Variants in PHLDB1 observed in about 807,000 individuals in gnomAD.
PHLDB1 encodes pleckstrin homology like domain family B member 1, also known as pleckstrin homology-like domain family B member 1.
Under a neutral mutation model 139.3 loss-of-function variants are expected in PHLDB1, and 65 were observed. The ratio of observed to expected loss-of-function variants is 0.47; its 90% CI spans 0.38 to 0.57. The LOEUF is 0.57. Among genes scored for constraint, PHLDB1 ranks in the 20% least tolerant of loss-of-function variants. PHLDB1 has a pLI of 0.00. For missense variants in PHLDB1, 1,624 were observed against 1,839.7 expected, an observed-to-expected ratio of 0.88 and a Z score of 2.14; for synonymous variants, 679 against 734.5, an observed-to-expected ratio of 0.92 and a Z score of 1.22.
intron 17 of PHLDB1, chr11:118,647,652 T>A (rs911898345): frequency 3.7e-6 from 1 of 273,764 alleles, no homozygotes; most frequent in Non-Finnish European, 6.9e-6. Context: ...AGGCGAAGGT[T>A]GCAGTGAGCG....
At chr11:118,635,316 GC>G in intron 9 of PHLDB1, 76 bp from the exon 10 acceptor site, 1 of 1,465,534 alleles carries the variant, frequency 6.8e-7, no homozygotes, top group Non-Finnish European at 9.2e-7. Context: ...TACAACGCAT[GC>G]CCCTGTGGCC....
intron 20 of PHLDB1, chr11:118,652,316 T>C (rs1002915955): frequency 1.3e-5 from 2 of 152,302 alleles, no homozygotes; most frequent in South Asian, 4.1e-4. Context: ...GTAGAGGGAC[T>C]AGGGACTTTG....
At chr11:118,630,739 A>G (rs1944663595) in intron 6 of PHLDB1, among the ~76,000 whole-genome samples, 1 of 151,916 alleles carries the variant, frequency 6.6e-6, no homozygotes, top group South Asian at 2.1e-4. Flanking sequence ...CTGGTGTGTC[A>G]GTATGTGTCC....
intron 9 of PHLDB1, chr11:118,635,071 C>T (rs368451830): frequency 7.9e-6 from 4 of 509,374 alleles, no homozygotes; most frequent in Admixed American, 5.1e-5. Flanking sequence ...ACCGCCCCCC[C>T]TCCCCCGGCC....
At chr11:118,639,924 C>T (rs141169729) in intron 12 of PHLDB1, 18,254 of 986,104 alleles carry the variant, frequency 0.019, 196 homozygotes, top group South Asian at 0.021. Context: ...GGGCCTTTTC[C>T]CAGGGTCTTC....
At chr11:118,641,905 C>A in intron 12 of PHLDB1, 1 of 695,662 alleles carries the variant, frequency 1.4e-6, no homozygotes, top group Non-Finnish European at 2.1e-6. Flanking sequence ...CCAGTGCCTG[C>A]AGGCTCTGTC....
At chr11:118,631,529 G>C in intron 7 of PHLDB1, 50 bp downstream of exon 7, 1 of 1,389,236 alleles carries the variant, frequency 7.2e-7, no homozygotes, top group South Asian at 1.8e-5. Context: ...GGACCTGCTG[G>C]GGGCAGAGGA....
At chr11:118,609,912 T>A (rs1490590911) in intron 1 of PHLDB1, among the ~76,000 whole-genome samples, 3 of 151,318 alleles carry the variant, frequency 2.0e-5, no homozygotes, top group African/African-American at 7.3e-5. Context: ...CCTCGCTCCA[T>A]CCGCGCTCTC....
intron 13 of PHLDB1, 110 bp from the exon 14 acceptor site, chr11:118,643,690 T>A (rs1946967223): frequency 6.3e-7 from 1 of 1,582,182 alleles, no homozygotes; most frequent in Admixed American, 1.7e-5. Flanking sequence ...CCAGAAGGCC[T>A]CAGAGGCCTA....
At chr11:118,652,289 C>T (rs1223282392) in intron 20 of PHLDB1, 3 of 152,172 alleles carry the variant, frequency 2.0e-5, no homozygotes, top group Non-Finnish European at 4.4e-5. Context: ...TCCCATGTTT[C>T]TCTCTGGGCC....
chr11:118,619,916 G>C (rs182204698), intron 4 of PHLDB1, among the ~76,000 whole-genome samples: 47 of 152,296 alleles, frequency 3.1e-4, no homozygotes, highest in East Asian at 2.9e-3. Context: ...GCCTGGGTGA[G>C]TGTGTAACTA....
intron 1 of PHLDB1, among the ~76,000 whole-genome samples, chr11:118,612,666 G>C (rs1412394718): frequency 2.6e-5 from 4 of 152,332 alleles, no homozygotes. Flanking sequence ...AGCTGGGAGG[G>C]TAAATTTAGT....
At chr11:118,641,881 C>A in intron 12 of PHLDB1, 1 of 1,002,078 alleles carries the variant, frequency 1.0e-6, no homozygotes, top group Non-Finnish European at 1.3e-6. Context: ...TCTGGGCCAG[C>A]CCAAGGGGAG....
chr11:118,646,183 C>A (rs1660761629), intron 17 of PHLDB1, among the ~76,000 whole-genome samples: 1 of 146,702 alleles, frequency 6.8e-6, no homozygotes. Flanking sequence ...TGGCGTGAAC[C>A]CGGGAGGCGG....
Position 118,616,009 on chromosome 11 carries a change from C to G in PHLDB1, c.185-32C>G, listed in dbSNP as rs782312620. 6.9e-6 allele frequency: 11 copies of G among 1,588,460 alleles called. No individual in the cohort carries two copies. The Admixed American group carries it at 1.7e-4, about 25-fold the overall frequency. ...GTCACTGCCTCCTCAGCCTGGACAA[C>G]CCCTCTGATTCAGTTTGCCTCTTGT... On this transcript the variant is annotated intron_variant, in intron 3 of 22. Transcript: ENST00000600882.
upstream of PHLDB1, chr11:118,606,652 A>G (rs498872): frequency 0.75 from 113,836 of 152,186 alleles, 43,132 homozygotes; most frequent in African/African-American, 0.89. Context: ...AGTCTCCTGG[A>G]CCAAGAGCTG....
At position 118,628,634 on chromosome 11, in the gene PHLDB1, A is replaced by G; in HGVS notation, c.1811A>G (p.Gln604Arg). ...CAGCGCCAAGAGCGGCTCCGGGAGC[A>G]GGAGATGGAGAGGCTGGTGAGCGGG... is the stretch of plus-strand genomic sequence containing the variant. ...RRQRQERLREQEMERLERQRL... is the reference protein window; with the variant it reads ...RRQRQERLREREMERLERQRL... Residue 604 changes from glutamine to arginine, a missense_variant, in exon 6 of 23, where the codon CAG becomes CGG. Physicochemically the swap from Gln to Arg is conservative, Grantham distance 43. Coordinates refer to ENST00000600882, the MANE Select transcript of PHLDB1 (RefSeq NM_001144758.3). 2 of 1,608,642 alleles carry G rather than the reference A, an allele frequency of 1.2e-6. No individual in the cohort carries two copies. The highest frequency in any genetic ancestry group is 1.7e-6 in the Non-Finnish European group (2 of 1,178,454).
In PHLDB1 at chr11:118,614,780, T is replaced by C. The variant is rs1941249928; in HGVS notation, c.184+98T>C. On this transcript the variant is annotated intron_variant, in intron 3 of 22. Transcript: ENST00000600882. ...CCTGCATGTGTTGGGGCCCTTCTAC[T>C]GTCTGCTGGTGCTCGCCTCCCCACA... The C allele has an allele frequency of 2.1e-5, 26 of 1,264,626 alleles. No individual in the cohort carries two copies. The East Asian group carries it at 5.5e-4, about 27-fold the overall frequency. The allele number at this position is 1,264,626 out of a possible 1,614,324, so 78.3% of individuals were successfully genotyped here.
In PHLDB1 at chr11:118,657,558, C is replaced by T. The variant is rs1469429792; in HGVS notation, c.*735C>T. 1 of 153,004 alleles carries T rather than the reference C, an allele frequency of 6.5e-6. No individual in the cohort carries two copies. The highest frequency in any genetic ancestry group is 2.4e-5 in the African/African-American group (1 of 41,432). 9.5% of individuals were successfully genotyped at this position (153,004 alleles called of 1,614,324 possible). ...CTTCCCCCTGCCTGTGTCTTCAGCC[C>T]TGATGCACAGGCTGCCAGCCCCCCA... On this transcript the variant is annotated 3_prime_UTR_variant, in exon 23 of 23. Coordinates refer to ENST00000600882, the MANE Select transcript of PHLDB1 (RefSeq NM_001144758.3).
Sources: gnomAD v4.1 joint callset for allele counts (sites outside exome capture counted in the v4.1 genomes callset) on GRCh38, gnomAD v4.1.1 for gene constraint, MANE v1.5 for transcripts, NCBI Gene and HGNC (gene_info 2026-07-23, HGNC 2026-07-21) for gene names.